The following SHROOM3 variants were observed in gnomAD, a reference collection of about 807,000 sequenced individuals.
SHROOM3 encodes the protein protein Shroom3.
In SHROOM3, 47 loss-of-function variants were observed where a neutral mutation model predicts 138.6. The observed-to-expected ratio is 0.34, with a 90% CI of 0.27 to 0.43. SHROOM3 has a LOEUF of 0.43. Among genes scored for constraint, SHROOM3 ranks in the 20% least tolerant of loss-of-function variants. SHROOM3 has a pLI of 1.00. For missense variants in SHROOM3, 2,491 were observed against 2,596.5 expected (o/e 0.96, Z 0.88); for synonymous variants, 1,062 against 1,063.3 (o/e 1.00, Z 0.02).
chr4:76,761,029 G>T (rs1721971730), intron 9 of SHROOM3, among the ~76,000 whole-genome samples: 1 of 151,002 alleles, frequency 6.6e-6, no homozygotes, highest in Non-Finnish European at 1.5e-5. Flanking sequence ...ATTTTTAAGT[G>T]TTTTTTTTTC....
At chr4:76,564,622 T>A (rs1334085501) in intron 2 of SHROOM3, among the ~76,000 whole-genome samples, 1 of 152,208 alleles carries the variant, frequency 6.6e-6, no homozygotes, top group Non-Finnish European at 1.5e-5. Context: ...GAAGGGGACA[T>A]CTTTTTCCCC....
At chr4:76,599,300 T>C (rs1250345149) in intron 2 of SHROOM3, among the ~76,000 whole-genome samples, 4 of 152,150 alleles carry the variant, frequency 2.6e-5, no homozygotes, top group African/African-American at 9.7e-5. Context: ...ACCTTGATCC[T>C]TAGTTGTGTC....
intron 10 of SHROOM3, among the ~76,000 whole-genome samples, chr4:76,774,709 GTTTT>G (rs201566335): frequency 0.21 from 29,703 of 139,010 alleles, 3,099 homozygotes; most frequent in East Asian, 0.32. Flanking sequence ...GTTTTTTGGG[GTTTT>G]TTTTTTGTTT....
chr4:76,495,891 G>C (rs1166145407), intron 1 of SHROOM3, among the ~76,000 whole-genome samples: 1 of 152,198 alleles, frequency 6.6e-6, no homozygotes, highest in Non-Finnish European at 1.5e-5. Flanking sequence ...GATGACACAA[G>C]GTTGTAGTTC....
At chr4:76,654,802 T>C (rs577647250) in intron 2 of SHROOM3, among the ~76,000 whole-genome samples, 64 of 152,302 alleles carry the variant, frequency 4.2e-4, no homozygotes, top group Non-Finnish European at 7.3e-4. Flanking sequence ...TATATAGTGA[T>C]GGTAATTATT....
intron 1 of SHROOM3, among the ~76,000 whole-genome samples, chr4:76,440,161 T>C (rs1267326681): frequency 1.3e-5 from 2 of 152,202 alleles, no homozygotes; most frequent in Non-Finnish European, 2.9e-5. Context: ...ACTTATTTAG[T>C]GTTTGTGATG....
intron 2 of SHROOM3, among the ~76,000 whole-genome samples, chr4:76,708,230 A>T (rs950840461): frequency 3.3e-5 from 5 of 152,004 alleles, no homozygotes; most frequent in African/African-American, 1.2e-4. Context: ...TATGTTCCTC[A>T]TGCTTCCATC....
At chr4:76,609,061 A>G (rs1445500872) in intron 2 of SHROOM3, among the ~76,000 whole-genome samples, 1 of 152,248 alleles carries the variant, frequency 6.6e-6, no homozygotes, top group Admixed American at 6.5e-5. Context: ...AGGTGTTAAT[A>G]TCCAGAATAT....
intron 3 of SHROOM3, among the ~76,000 whole-genome samples, chr4:76,714,905 G>A (rs543058989): frequency 6.6e-6 from 1 of 152,116 alleles, no homozygotes. Context: ...AATGGATCTA[G>A]TTTTGGCCAT....
At chr4:76,634,884 C>T (rs553945723) in intron 2 of SHROOM3, among the ~76,000 whole-genome samples, 5 of 152,230 alleles carry the variant, frequency 3.3e-5, no homozygotes, top group Non-Finnish European at 7.4e-5. Context: ...ATTGATAGAC[C>T]GTGTTTCCTT....
intron 2 of SHROOM3, among the ~76,000 whole-genome samples, chr4:76,649,790 T>C (rs1054443452): frequency 2.6e-5 from 4 of 152,228 alleles, no homozygotes; most frequent in Non-Finnish European, 4.4e-5. Context: ...TTGCTGTGAT[T>C]GTAATTAGCA....
At chr4:76,676,189 G>GA (rs575241592) in intron 2 of SHROOM3, among the ~76,000 whole-genome samples, 29 of 152,112 alleles carry the variant, frequency 1.9e-4, no homozygotes, top group Non-Finnish European at 3.8e-4. Context: ...TAAATTCAGG[G>GA]AAAAAATGGC....
At chr4:76,778,336 C>T (rs1722640763) in intron 10 of SHROOM3, among the ~76,000 whole-genome samples, 2 of 152,096 alleles carry the variant, frequency 1.3e-5, no homozygotes, top group African/African-American at 4.8e-5. Context: ...ATTCTCATGC[C>T]TCAGCCTCCC....
In SHROOM3 at chr4:76,435,800, G is replaced by A. The variant is rs1489696283; in HGVS notation, c.-253G>A. 2 of 462,816 alleles carry A rather than the reference G, an allele frequency of 4.3e-6. No individual in the cohort carries two copies. Among genetic ancestry groups the A allele is most frequent in the Non-Finnish European group, 7.7e-6 (2 of 258,320 alleles). 28.7% of individuals were successfully genotyped at this position (462,816 alleles called of 1,614,324 possible). On this transcript the variant is annotated 5_prime_UTR_variant, in exon 1 of 11. Transcript: ENST00000296043. ...GGAGTAGAGATGTATACCACTTGGG[G>A]GCTTCAGTGAGAACCCAGAATTCCT...
At chr4:76,450,008 G>A (rs575407601) in intron 1 of SHROOM3, among the ~76,000 whole-genome samples, 2 of 152,288 alleles carry the variant, frequency 1.3e-5, no homozygotes, top group South Asian at 4.1e-4. Flanking sequence ...TGTGAGCACA[G>A]GGAGGGGTAT....
At chr4:76,448,198 A>G (rs1049506845) in intron 1 of SHROOM3, among the ~76,000 whole-genome samples, 1 of 152,164 alleles carries the variant, frequency 6.6e-6, no homozygotes, top group Non-Finnish European at 1.5e-5. Context: ...TTCATAAAAG[A>G]TGGAGCCAAG....
chr4:76,655,577 C>G (rs1186731349), intron 2 of SHROOM3, among the ~76,000 whole-genome samples: 1 of 152,224 alleles, frequency 6.6e-6, no homozygotes, highest in Admixed American at 6.5e-5. Context: ...GTTCTTTTCT[C>G]TAGGGTTGCT....
intron 1 of SHROOM3, among the ~76,000 whole-genome samples, chr4:76,490,941 C>T (rs56288877): frequency 6.6e-6 from 1 of 152,106 alleles, no homozygotes; most frequent in African/African-American, 2.4e-5. Flanking sequence ...ACCACTGGAG[C>T]CCATTGGGGT....
chr4:76,533,669 AT>A (rs1732880431), intron 1 of SHROOM3, among the ~76,000 whole-genome samples: 1 of 152,248 alleles, frequency 6.6e-6, no homozygotes, highest in Non-Finnish European at 1.5e-5. Context: ...AATGTTTCAT[AT>A]TTTAAAAACT....
Sources: allele counts gnomAD v4.1 joint callset (sites outside exome capture counted in the v4.1 genomes callset), GRCh38; gene constraint gnomAD v4.1.1; transcripts MANE v1.5; gene names NCBI Gene and HGNC (gene_info 2026-07-23, HGNC 2026-07-21).